Variants in MREG observed in about 807,000 individuals in gnomAD.
MREG encodes the protein dilute suppressor protein homolog.
A neutral mutation model predicts 28.5 loss-of-function variants in MREG; 31 were observed. The ratio of observed to expected loss-of-function variants is 1.09; its 90% CI spans 0.82 to 1.47. MREG has a LOEUF of 1.47. Among genes scored for constraint, MREG ranks in the 40% most tolerant of loss-of-function variants. MREG has a pLI of 0.00. For synonymous variants in MREG, 106 were observed against 95.2 expected (o/e 1.11, Z -0.66); for missense variants, 256 against 257.4 (o/e 0.99, Z 0.04).
In MREG at chr2:215,954,450, ACACAC is replaced by A. The variant is rs1559175321; in HGVS notation, c.256-7342_256-7338del. Among the ~76,000 whole-genome samples, 253 of 150,034 alleles carry A rather than the reference ACACAC, an allele frequency of 1.7e-3. 1 individual carries two copies. The highest frequency in any genetic ancestry group is 5.9e-3 in the African/African-American group (242 of 41,076). The stretch of plus-strand genomic sequence containing the variant: ...ATTGTATTTGATCTGTGTACAACAC[ACACAC>A]ACACACACACACACACACACACACA... On this transcript the variant is annotated intron_variant, in intron 2 of 4. Transcript: ENST00000263268.
At chr2:215,951,584 T>A (rs1692487205) in intron 2 of MREG, among the ~76,000 whole-genome samples, 1 of 152,190 alleles carries the variant, frequency 6.6e-6, no homozygotes, top group South Asian at 2.1e-4. Context: ...TTAGCAAAGG[T>A]GTAGCAAAAG....
chr2:216,017,786 A>G (rs578088110), upstream of MREG, among the ~76,000 whole-genome samples: 21 of 152,304 alleles, frequency 1.4e-4, no homozygotes, highest in East Asian at 3.3e-3. Context: ...CCTCTCTTTA[A>G]GAATTTTTTT....
At chr2:216,003,650 C>T (rs1160198945) in intron 1 of MREG, among the ~76,000 whole-genome samples, 1 of 152,164 alleles carries the variant, frequency 6.6e-6, no homozygotes, top group Non-Finnish European at 1.5e-5. Context: ...AGTGTGGTCC[C>T]GACCAAGCAC....
intron 2 of MREG, among the ~76,000 whole-genome samples, chr2:215,981,172 T>G (rs6709566): frequency 6.6e-6 from 1 of 151,934 alleles, no homozygotes; most frequent in African/African-American, 2.4e-5. Flanking sequence ...CCAAAAGAAC[T>G]GAAAACAGGG....
chr2:215,989,534 A>G (rs964095247), intron 2 of MREG, among the ~76,000 whole-genome samples: 4 of 152,148 alleles, frequency 2.6e-5, no homozygotes, highest in African/African-American at 9.6e-5. Flanking sequence ...GAAACTGGAC[A>G]GAGAATGAGT....
intron 1 of MREG, among the ~76,000 whole-genome samples, chr2:216,009,425 C>T (rs1305004972): frequency 6.6e-6 from 1 of 151,996 alleles, no homozygotes; most frequent in Non-Finnish European, 1.5e-5. Flanking sequence ...TCAAAGCAAC[C>T]CTTGTGAAAG....
intron 2 of MREG, among the ~76,000 whole-genome samples, chr2:215,974,733 C>T (rs956457419): frequency 6.6e-6 from 1 of 151,744 alleles, no homozygotes; most frequent in Non-Finnish European, 1.5e-5. Flanking sequence ...AAATGCTGAC[C>T]AATGGCTTCA....
chr2:216,026,473 G>A (rs143244999), intron 1 of MREG, among the ~76,000 whole-genome samples: 65 of 152,048 alleles, frequency 4.3e-4, no homozygotes, highest in African/African-American at 1.5e-3. Flanking sequence ...CGATCCTCCC[G>A]TCTCAGCTTC....
At chr2:215,986,435 AG>A (rs1468732331) in intron 2 of MREG, among the ~76,000 whole-genome samples, 1 of 152,194 alleles carries the variant, frequency 6.6e-6, no homozygotes, top group Non-Finnish European at 1.5e-5. Context: ...GGTGAAGGGC[AG>A]GGGGTACCCA....
intron 2 of MREG, among the ~76,000 whole-genome samples, chr2:215,972,098 T>C (rs1272412017): frequency 2.0e-5 from 3 of 152,050 alleles, no homozygotes; most frequent in African/African-American, 7.2e-5. Context: ...ACCTGGATGG[T>C]CCAGTGCCGT....
At chr2:215,942,303 A>G (rs1050285393), downstream of MREG, among the ~76,000 whole-genome samples, 9 of 152,214 alleles carry the variant, frequency 5.9e-5, no homozygotes, top group Non-Finnish European at 1.3e-4. Flanking sequence ...GTCGACAGGG[A>G]GACAAAAAGT....
intron 1 of MREG, among the ~76,000 whole-genome samples, chr2:216,008,733 A>T (rs1171954438): frequency 1.3e-5 from 2 of 152,212 alleles, no homozygotes; most frequent in Non-Finnish European, 2.9e-5. Context: ...ATTGATCAGG[A>T]CCTTCGGGTG....
Position 215,996,389 on chromosome 2 carries a change from C to T in MREG, c.172G>A (p.Asp58Asn). 1.2e-6 allele frequency: 2 copies of T among 1,613,738 alleles called. No individual in the cohort carries two copies. Among genetic ancestry groups the T allele is most frequent in the Non-Finnish European group, 8.5e-7 (1 of 1,179,656 alleles). ...TCGTCTGCCTCTGTGTGGGACACAT[C>T]ATGGGGCATACTCCATAAATTCTTC... ...DEKNLWSMPH[D>N]VSHTEADDDR... The change falls in exon 2 of 5, where the codon GAT (aspartate) becomes AAT (asparagine). Residue 58 changes from aspartate to asparagine, a missense_variant. Physicochemically the swap from Asp to Asn is conservative, Grantham distance 23. Transcript: ENST00000263268.
chr2:215,985,465 C>A (rs1693542715), intron 2 of MREG, among the ~76,000 whole-genome samples: 1 of 152,184 alleles, frequency 6.6e-6, no homozygotes, highest in Non-Finnish European at 1.5e-5. Flanking sequence ...GTCTGTTTTC[C>A]ATCAGCTCCA....
chr2:216,011,095 C>CAA (rs35487752), intron 1 of MREG, among the ~76,000 whole-genome samples: 22,879 of 106,424 alleles, frequency 0.21, 2,756 homozygotes, highest in African/African-American at 0.37. Context: ...GACTCCGTCT[C>CAA]AAAAAAAAAA....
intron 2 of MREG, among the ~76,000 whole-genome samples, chr2:215,980,025 A>C (rs1693382380): frequency 6.6e-6 from 1 of 151,994 alleles, no homozygotes; most frequent in Non-Finnish European, 1.5e-5. Context: ...CATTTCTGTC[A>C]GTAAATTATC....
chr2:215,957,593 G>C (rs1692659326), intron 2 of MREG, among the ~76,000 whole-genome samples: 2 of 152,190 alleles, frequency 1.3e-5, no homozygotes, highest in Admixed American at 1.3e-4. Flanking sequence ...TTGGGGCTGA[G>C]CTGTGCTTGT....
At chr2:215,990,260 G>C (rs1693687392) in intron 2 of MREG, among the ~76,000 whole-genome samples, 1 of 152,134 alleles carries the variant, frequency 6.6e-6, no homozygotes, top group Non-Finnish European at 1.5e-5. Context: ...TTGAAGAAAA[G>C]AATTTTCAAC....
intron 2 of MREG, among the ~76,000 whole-genome samples, chr2:215,987,374 G>C (rs1326009690): frequency 6.6e-6 from 1 of 151,710 alleles, no homozygotes; most frequent in Admixed American, 6.6e-5. Context: ...AGCCTCCTGA[G>C]TAGCTGGAAT....
Sources: gnomAD v4.1 joint callset for allele counts (sites outside exome capture counted in the v4.1 genomes callset) on GRCh38, gnomAD v4.1.1 for gene constraint, MANE v1.5 for transcripts, NCBI Gene and HGNC (gene_info 2026-07-23, HGNC 2026-07-21) for gene names.